Variants in UBA2 observed in about 807,000 individuals in gnomAD.
The protein encoded by UBA2 is ubiquitin like modifier activating enzyme 2, also known as SUMO-activating enzyme subunit 2.
UBA2 carries 11 observed loss-of-function variants against 77.2 expected under a neutral mutation model. The ratio of observed to expected loss-of-function variants is 0.14; its 90% confidence interval spans 0.09 to 0.24. The LOEUF (loss-of-function observed/expected upper bound fraction) is 0.24, where lower values mean the gene tolerates loss of function less well. Among genes scored for constraint, UBA2 ranks in the 10% least tolerant of loss-of-function variants. The pLI is 1.00. For synonymous variants in UBA2, 278 were observed against 276.7 expected (o/e 1.00, Z -0.05); for missense variants, 487 against 781.7 (o/e 0.62, Z 4.50).
rs147848976 is a variant in UBA2, at chr19:34,460,547, C to T, written c.1479C>T (p.Ser493=). The T allele has an allele frequency of 2.6e-5, 42 of 1,609,146 alleles. No individual in the cohort carries two copies. Among genetic ancestry groups the T allele is most frequent in the African/African-American group, 2.3e-4 (17 of 74,622 alleles). Reference sequence around the variant, plus strand: ...GGAAAGGAACAATCCTAATATCTTCCGAAGAGGGAGAGACGGAAGGTATCA... The same window carrying T: ...GGAAAGGAACAATCCTAATATCTTCTGAAGAGGGAGAGACGGAAGGTATCA... ...EDGKGTILIS[S]EEGETEANNH... Residue 493 remains serine (S), a synonymous_variant, in exon 14 of 17, where the codon TCC becomes TCT. Coordinates refer to ENST00000246548, the MANE Select transcript of UBA2 (RefSeq NM_005499.3).
chr19:34,452,260 T>C (rs992904154), intron 10 of UBA2, 113 bp downstream of exon 10: 22 of 985,250 alleles, frequency 2.2e-5, no homozygotes, highest in African/African-American at 8.2e-5. Context: ...TGAGGAAATA[T>C]ATTGATTTGG....
rs779117901 is a variant in UBA2, at chr19:34,466,985, A to G, written c.1712A>G (p.Asp571Gly). The G allele has an allele frequency of 6.2e-7, 1 of 1,614,144 alleles. No individual in the cohort carries two copies. Among genetic ancestry groups the G allele is most frequent in the South Asian group, 1.1e-5 (1 of 91,078 alleles). ...DAAKSITNGSDDGAQPSTSTA... is the reference protein window; with the variant it reads ...DAAKSITNGSGDGAQPSTSTA... ...GCCAAAAGCATAACCAATGGCAGTG[A>G]TGATGGAGCTCAGCCCTCCACCTCC... The change falls in exon 16 of 17, where the codon GAT becomes GGT. Residue 571 changes from aspartate (D) to glycine (G), a missense_variant. Asp to Gly is a moderately conservative substitution (Grantham distance 94). Coordinates refer to ENST00000246548, the MANE Select transcript of UBA2 (RefSeq NM_005499.3).
chr19:34,442,345 A>G (rs2075379352), intron 6 of UBA2, among the ~76,000 whole-genome samples: 1 of 152,248 alleles, frequency 6.6e-6, no homozygotes, highest in African/African-American at 2.4e-5. Context: ...TTACTTGGAA[A>G]ATTAAGTATA....
intron 1 of UBA2, 81 bp from the exon 2 acceptor site, chr19:34,430,495 G>C (rs1227305982): frequency 9.8e-7 from 1 of 1,024,090 alleles, no homozygotes; most frequent in African/African-American, 1.6e-5. Flanking sequence ...CAAAAGTTCT[G>C]GATTACAGGT....
intron 1 of UBA2, 124 bp from the exon 2 acceptor site, chr19:34,430,452 G>T: frequency 1.8e-6 from 1 of 564,388 alleles, no homozygotes; most frequent in South Asian, 3.9e-5. Flanking sequence ...ATGGCGATTC[G>T]AAAAACGCTT....
chr19:34,434,562 C>T (rs1333046950), intron 4 of UBA2, among the ~76,000 whole-genome samples: 1 of 152,120 alleles, frequency 6.6e-6, no homozygotes, highest in Non-Finnish European at 1.5e-5. Flanking sequence ...TTAGGAACAC[C>T]TTGAAACAGT....
At chr19:34,438,859 G>A in intron 6 of UBA2, 93 bp downstream of exon 6, 2 of 1,495,750 alleles carry the variant, frequency 1.3e-6, no homozygotes, top group East Asian at 2.3e-5. Context: ...TTGAACTCAG[G>A]ATGTTTAAAT....
intron 15 of UBA2, among the ~76,000 whole-genome samples, chr19:34,465,350 G>A (rs2075675981): frequency 6.6e-6 from 1 of 152,160 alleles, no homozygotes; most frequent in Admixed American, 6.5e-5. Flanking sequence ...TAAAATGACA[G>A]GAAGGAGGCC....
chr19:34,446,671 A>G (rs557228617), intron 8 of UBA2, among the ~76,000 whole-genome samples: 1 of 148,882 alleles, frequency 6.7e-6, no homozygotes, highest in Non-Finnish European at 1.5e-5. Flanking sequence ...GTGCAGTGGC[A>G]TGATCTCAGC....
chr19:34,449,702 G>C (rs1308265278), intron 8 of UBA2, among the ~76,000 whole-genome samples: 10 of 152,074 alleles, frequency 6.6e-5, no homozygotes, highest in African/African-American at 2.4e-4. Flanking sequence ...AATTGTGTGG[G>C]GGTTTTTACA....
At chr19:34,449,155 C>G (rs1376902344) in intron 8 of UBA2, among the ~76,000 whole-genome samples, 2 of 149,818 alleles carry the variant, frequency 1.3e-5, no homozygotes, top group African/African-American at 4.9e-5. Context: ...CTGCACTCTC[C>G]GCCTCCCAGG....
chr19:34,450,454 T>TGAAAATATGAAA (rs772322922), intron 9 of UBA2, 90 bp downstream of exon 9: 161 of 804,636 alleles, frequency 2.0e-4, no homozygotes, highest in Non-Finnish European at 2.9e-4. Context: ...TTGAAAATGA[T>TGAAAATATGAAA]ATGTCTTCAT....
chr19:34,431,403 C>T (rs1169034818), intron 2 of UBA2, among the ~76,000 whole-genome samples: 1 of 151,966 alleles, frequency 6.6e-6, no homozygotes, highest in Non-Finnish European at 1.5e-5. Context: ...AGGCATGAGC[C>T]ACCATGCCTG....
intron 12 of UBA2, among the ~76,000 whole-genome samples, chr19:34,455,976 T>G (rs2075554387): frequency 6.6e-6 from 1 of 151,706 alleles, no homozygotes; most frequent in Admixed American, 6.6e-5. Flanking sequence ...GGGGTCTTGC[T>G]ATGTTGTCCG....
chr19:34,447,852 G>C lies in UBA2; in HGVS notation c.772-2413G>C, dbSNP rs116020636. On this transcript the variant is annotated intron_variant, in intron 8 of 16. Transcript: ENST00000246548. The stretch of plus-strand genomic sequence containing the variant: ...CTTCAGAAGAGGCTTTCTAGAGCAG[G>C]TGACATTTAAGCCCAAGGCTTGAAA... Among the ~76,000 whole-genome samples the C allele has an allele frequency of 6.2e-3, 944 of 152,314 alleles. 4 individuals are homozygous for C. Among genetic ancestry groups the C allele is most frequent in the African/African-American group, 0.021 (893 of 41,562 alleles).
In UBA2 at chr19:34,469,231, C is replaced by A. The variant is rs751708679; in HGVS notation, c.*10C>A. The A allele has an allele frequency of 2.6e-6, 4 of 1,555,858 alleles. No homozygotes were observed. On this transcript the variant is annotated 3_prime_UTR_variant, in exon 17 of 17. Transcript: ENST00000246548. ...CATAGCATTAGATTGAACAGAAATG[C>A]CTCTAAACAGAACCCTCTTACTATT...
chr19:34,432,386 A>T (rs952070581), intron 3 of UBA2, among the ~76,000 whole-genome samples: 2 of 152,194 alleles, frequency 1.3e-5, no homozygotes, highest in African/African-American at 4.8e-5. Flanking sequence ...CTCAGTAAAG[A>T]TAGAGTAAAT....
chr19:34,470,946 C>T lies in UBA2; in HGVS notation c.*1725C>T, dbSNP rs1314408347. On this transcript the variant is annotated 3_prime_UTR_variant, in exon 17 of 17. Coordinates refer to ENST00000246548, the MANE Select transcript of UBA2 (RefSeq NM_005499.3). The stretch of plus-strand genomic sequence containing the variant: ...AGATGCTGGAAAGGGAGTCCTTCCT[C>T]CTTTCTGCAGTGTTTGTCTGGGTTG... The T allele has an allele frequency of 2.0e-5, 3 of 152,226 alleles. No individual in the cohort carries two copies. Among genetic ancestry groups the T allele is most frequent in the Non-Finnish European group, 4.4e-5 (3 of 68,062 alleles). The allele number at this position is 152,226 out of a possible 1,614,324, so 9.4% of individuals were successfully genotyped here. A position where few individuals can be genotyped will look rare whatever the true frequency, so the allele number is the denominator to read the frequency against.
intron 7 of UBA2, 122 bp downstream of exon 7, chr19:34,444,033 GTTTTTTTTTTGTTTTTT>G (rs2075399098): frequency 3.9e-5 from 8 of 203,064 alleles, no homozygotes; most frequent in South Asian, 2.2e-4. Context: ...TTTAACATGT[GTTTTTTTTTTGTTTTTT>G]TTTTTTTTTT....
Sources: gnomAD v4.1 joint callset for allele counts (sites outside exome capture counted in the v4.1 genomes callset) on GRCh38, gnomAD v4.1.1 for gene constraint, MANE v1.5 for transcripts, NCBI Gene and HGNC (gene_info 2026-07-23, HGNC 2026-07-21) for gene names.